Variants in ABCC3 observed in about 807,000 individuals in gnomAD.
The protein encoded by ABCC3 is ATP binding cassette subfamily C member 3, also known as ATP-binding cassette sub-family C member 3.
Under a neutral mutation model 165.3 loss-of-function variants are expected in ABCC3, and 121 were observed. That is an observed-to-expected ratio of 0.73 (90% CI 0.63 to 0.85). The LOEUF (loss-of-function observed/expected upper bound fraction) is 0.85, where lower values mean the gene tolerates loss of function less well. Ranked by LOEUF, ABCC3 falls within the 40% of genes least tolerant of loss-of-function variation. The pLI, the probability that ABCC3 is intolerant of heterozygous loss-of-function variation, is 0.00. For synonymous variants in ABCC3, 733 were observed against 810.1 expected (o/e 0.90, Z 1.62); for missense variants, 1,869 against 1,964.1 (o/e 0.95, Z 0.92).
chr17:50,682,412 T>G (rs532901176), intron 26 of ABCC3, among the ~76,000 whole-genome samples: 44 of 150,574 alleles, frequency 2.9e-4, no homozygotes, highest in Admixed American at 1.8e-3. Context: ...TGGCTTTGCA[T>G]CTTAATCAGA....
chr17:50,652,188 C>A (rs549081334), intron 1 of ABCC3, among the ~76,000 whole-genome samples: 13 of 152,126 alleles, frequency 8.5e-5, no homozygotes, highest in Non-Finnish European at 1.3e-4. Context: ...ACTATGATAC[C>A]TGTATCATAC....
At chr17:50,639,319 TCTC>T (rs1440362132) in intron 1 of ABCC3, among the ~76,000 whole-genome samples, 2 of 152,166 alleles carry the variant, frequency 1.3e-5, no homozygotes, top group African/African-American at 4.8e-5. Context: ...CAGGCTGGCT[TCTC>T]CTCAATCCTG....
intron 26 of ABCC3, among the ~76,000 whole-genome samples, chr17:50,680,472 C>G (rs547429163): frequency 2.1e-4 from 32 of 152,184 alleles, no homozygotes; most frequent in African/African-American, 7.7e-4. Flanking sequence ...GCTGCAGCAT[C>G]AGTGTCAAGC....
At position 50,657,061 on chromosome 17, in the gene ABCC3, C is replaced by T; in HGVS notation, c.364C>T (p.Leu122=). 6.2e-7 allele frequency: 1 copy of T among 1,613,876 alleles called. No individual in the cohort carries two copies. Among genetic ancestry groups the T allele is most frequent in the Non-Finnish European group, 8.5e-7 (1 of 1,179,862 alleles). ...CCCTGCACAGCTGCTGGCCACCCTG[C>T]TGATACAGTATGAGCGGCTGCAGGG... is the stretch of plus-strand genomic sequence containing the variant. ...VGVTMLLATL[L]IQYERLQGVQ... Residue 122 remains leucine (L), a synonymous_variant, in exon 4 of 31, where the codon CTG becomes TTG. Transcript: ENST00000285238.
intron 2 of ABCC3, 146 bp downstream of exon 2, chr17:50,656,154 T>G: frequency 4.9e-6 from 3 of 611,428 alleles, no homozygotes; most frequent in Non-Finnish European, 6.9e-6. Flanking sequence ...GGCATGATCT[T>G]GGCTCACTGC....
chr17:50,665,355 G>A, intron 11 of ABCC3, 110 bp downstream of exon 11: 1 of 895,334 alleles, frequency 1.1e-6, no homozygotes, highest in East Asian at 2.6e-5. Flanking sequence ...CCTGAGTATG[G>A]ATGGCTACTA....
At chr17:50,684,491 G>A (rs1236488455) in intron 28 of ABCC3, among the ~76,000 whole-genome samples, 1 of 152,250 alleles carries the variant, frequency 6.6e-6, no homozygotes, top group East Asian at 1.9e-4. Flanking sequence ...AGTGGCTCTG[G>A]TTCCTGCTTC....
At chr17:50,652,273 A>T (rs1293651216) in intron 1 of ABCC3, among the ~76,000 whole-genome samples, 1 of 152,252 alleles carries the variant, frequency 6.6e-6, no homozygotes, top group Admixed American at 6.5e-5. Flanking sequence ...TGTTCCAGGT[A>T]CAGTAATATA....
In ABCC3 at chr17:50,655,936, C is replaced by CT; in HGVS notation, c.151dup (p.Cys51LeufsTer76). On this transcript the variant is annotated frameshift_variant, in exon 2 of 31. Coordinates refer to ENST00000285238, the MANE Select transcript of ABCC3 (RefSeq NM_003786.4). LOFTEE classifies it high-confidence loss of function. ...GCATCTACCTGTGGGTCGCCCTGCC[C>CT]TGCTACTTGCTCTACCTGCGGCACC... The CT allele has an allele frequency of 6.2e-7, 1 of 1,614,066 alleles. No individual in the cohort carries two copies. Among genetic ancestry groups the CT allele is most frequent in the Non-Finnish European group, 8.5e-7 (1 of 1,179,966 alleles).
chr17:50,658,629 G>C (rs899993223), intron 6 of ABCC3, 133 bp downstream of exon 6: 11 of 979,124 alleles, frequency 1.1e-5, no homozygotes, highest in Non-Finnish European at 1.8e-5. Context: ...GTGGGCACAG[G>C]GCAGATGAGG....
chr17:50,686,306 G>A (rs986879914), intron 29 of ABCC3, among the ~76,000 whole-genome samples: 29 of 152,152 alleles, frequency 1.9e-4, no homozygotes, highest in African/African-American at 5.3e-4. Flanking sequence ...GAGCCTCCAC[G>A]GTTTGAAATG....
At chr17:50,654,605 C>A (rs894302195) in intron 1 of ABCC3, among the ~76,000 whole-genome samples, 5 of 152,256 alleles carry the variant, frequency 3.3e-5, no homozygotes, top group Admixed American at 2.6e-4. Context: ...CTCTCCATAT[C>A]CTTTGGTTCC....
intron 1 of ABCC3, among the ~76,000 whole-genome samples, chr17:50,644,538 C>T (rs1966962045): frequency 6.6e-6 from 1 of 151,714 alleles, no homozygotes; most frequent in African/African-American, 2.4e-5. Context: ...ATGGTGAAAC[C>T]CCATCTCTAC....
At chr17:50,685,655 A>T (rs924750374) in intron 29 of ABCC3, among the ~76,000 whole-genome samples, 1 of 152,186 alleles carries the variant, frequency 6.6e-6, no homozygotes, top group Non-Finnish European at 1.5e-5. Flanking sequence ...TTTCACATTT[A>T]CAGAATGTCT....
At position 50,670,706 on chromosome 17, in the gene ABCC3, A is replaced by T. The variant is rs193033085; in HGVS notation, c.2241+1178A>T. On this transcript the variant is annotated intron_variant, in intron 17 of 30. Transcript: ENST00000285238. ...GTAGCTTGGGAAATCCTCACTGAGA[A>T]TCAGAGAACTCAACAAAGAGACCGA... Among the ~76,000 whole-genome samples, 170 of 152,340 alleles carry T rather than the reference A, an allele frequency of 1.1e-3. 1 individual carries two copies. The East Asian group carries it at 0.028, about 25-fold the overall frequency.
At chr17:50,656,889 A>G (rs573443458) in intron 3 of ABCC3, 62 bp downstream of exon 3, 3 of 1,558,892 alleles carry the variant, frequency 1.9e-6, no homozygotes, top group African/African-American at 1.4e-5. Context: ...GGACTGTGAT[A>G]GGGAAACTGT....
At chr17:50,647,970 C>T (rs765440333) in intron 1 of ABCC3, among the ~76,000 whole-genome samples, 9 of 151,870 alleles carry the variant, frequency 5.9e-5, no homozygotes, top group East Asian at 1.9e-4. Flanking sequence ...ATCCCAGAGG[C>T]GGAGGTTGCT....
In ABCC3 at chr17:50,664,092, C is replaced by A; in HGVS notation, c.1319C>A (p.Ala440Glu). The A allele has an allele frequency of 6.2e-7, 1 of 1,614,184 alleles. No individual in the cohort carries two copies. The highest frequency in any genetic ancestry group is 1.1e-5 in the South Asian group (1 of 91,088). Residue 440 changes from alanine (A) to glutamate (E), a missense_variant, in exon 10 of 31, where the codon GCG becomes GAG. Coordinates refer to ENST00000285238, the MANE Select transcript of ABCC3 (RefSeq NM_003786.4). The part of the protein sequence containing the change: ...LWSAPLQIIL[A>E]IYFLWQNLGP... ...TCAGCACCCCTGCAGATCATCCTGG[C>A]GATCTACTTCCTCTGGCAGGTGACT... is the stretch of plus-strand genomic sequence containing the variant.
intron 1 of ABCC3, among the ~76,000 whole-genome samples, chr17:50,640,585 C>G (rs1476035144): frequency 6.6e-6 from 1 of 152,236 alleles, no homozygotes; most frequent in Non-Finnish European, 1.5e-5. Context: ...GTGGCGTGAT[C>G]TCAGCTCACT....
Sources: gnomAD v4.1 joint callset for allele counts (sites outside exome capture counted in the v4.1 genomes callset) on GRCh38, gnomAD v4.1.1 for gene constraint, MANE v1.5 for transcripts, NCBI Gene and HGNC (gene_info 2026-07-23, HGNC 2026-07-21) for gene names.